The following USH2A variants were observed in gnomAD, a reference collection of about 807,000 sequenced individuals.
USH2A encodes the protein Usher syndrome 2A (autosomal recessive, mild).
In USH2A, 443 loss-of-function variants were observed where a neutral mutation model predicts 538.9. The ratio of observed to expected loss-of-function variants is 0.82; its 90% CI spans 0.76 to 0.89. USH2A has a LOEUF of 0.89. USH2A is among the 40% of genes least tolerant of loss of function. The probability of loss-of-function intolerance (pLI) is 0.00; values close to 1 mark genes in which losing one functional copy is unlikely to be tolerated. For missense variants in USH2A, 6,633 were observed against 6,324.8 expected (o/e 1.05, Z -1.65); for synonymous variants, 2,413 against 2,273.5 (o/e 1.06, Z -1.75).
chr1:215,667,321 G>A (rs1055532545), intron 64 of USH2A, among the ~76,000 whole-genome samples: 4 of 152,176 alleles, frequency 2.6e-5, no homozygotes, highest in African/African-American at 9.7e-5. Flanking sequence ...GAATTGTGGT[G>A]AGGTGAGTGA....
intron 20 of USH2A, among the ~76,000 whole-genome samples, chr1:216,189,995 C>T (rs1483159736): frequency 6.6e-6 from 1 of 151,776 alleles, no homozygotes; most frequent in Non-Finnish European, 1.5e-5. Context: ...GTCACTCTAC[C>T]ACTAATTATA....
chr1:216,269,075 T>C (rs1324129901), intron 11 of USH2A, among the ~76,000 whole-genome samples: 2 of 152,012 alleles, frequency 1.3e-5, no homozygotes, highest in Non-Finnish European at 2.9e-5. Context: ...GAATCTTCAT[T>C]TGACAGAAGA....
At chr1:216,292,491 G>T in intron 9 of USH2A, 121 bp from the exon 10 acceptor site, 1 of 1,053,586 alleles carries the variant, frequency 9.5e-7, no homozygotes, top group Non-Finnish European at 1.3e-6. Context: ...AGTCAGCAAT[G>T]ATTTTATTTG....
At chr1:215,922,794 A>C (rs978513003) in intron 38 of USH2A, among the ~76,000 whole-genome samples, 1 of 152,096 alleles carries the variant, frequency 6.6e-6, no homozygotes, top group African/African-American at 2.4e-5. Flanking sequence ...TCTAATTCAC[A>C]TCTGCCATTT....
At chr1:216,383,450 A>G (rs887168254) in intron 3 of USH2A, among the ~76,000 whole-genome samples, 1 of 152,234 alleles carries the variant, frequency 6.6e-6, no homozygotes, top group Non-Finnish European at 1.5e-5. Context: ...AATAAGTTAT[A>G]AAGTGCTATT....
intron 9 of USH2A, among the ~76,000 whole-genome samples, chr1:216,298,398 C>A (rs912774066): frequency 6.6e-6 from 1 of 152,094 alleles, no homozygotes; most frequent in Non-Finnish European, 1.5e-5. Context: ...TTATACTTAA[C>A]GTCAGCCCAA....
intron 32 of USH2A, among the ~76,000 whole-genome samples, chr1:216,016,462 CT>C (rs1466515052): frequency 2.6e-5 from 4 of 152,154 alleles, no homozygotes; most frequent in Non-Finnish European, 5.9e-5. Flanking sequence ...TCCATTTGTG[CT>C]TATGTTTTCC....
intron 21 of USH2A, among the ~76,000 whole-genome samples, chr1:216,121,013 T>G (rs530819974): frequency 1.4e-4 from 22 of 152,246 alleles, no homozygotes; most frequent in Admixed American, 1.2e-3. Flanking sequence ...AAAAATGAGT[T>G]TTATGGTAGT....
At position 216,331,474 on chromosome 1, in the gene USH2A, A is replaced by C. The variant is rs186689670; in HGVS notation, c.785-3820T>G. 1.8e-3 allele frequency among the ~76,000 whole-genome samples: 280 copies of C among 152,202 alleles called. 1 individual carries two copies. Among genetic ancestry groups the C allele is most frequent in the Middle Eastern group, 6.8e-3 (2 of 294 alleles). The stretch of plus-strand genomic sequence containing the variant: ...GGCACAACAAAATTAGTCAAATGGG[A>C]AAACTAAGTAATCCAACATATAAAT... On this transcript the variant is annotated intron_variant, in intron 4 of 71. Coordinates refer to ENST00000307340, the MANE Select transcript of USH2A (RefSeq NM_206933.4).
chr1:215,878,664 A>G (rs1664833004), intron 42 of USH2A, 100 bp downstream of exon 42: 1 of 1,198,738 alleles, frequency 8.3e-7, no homozygotes, highest in Non-Finnish European at 1.2e-6. Context: ...ATGCCAAATT[A>G]GTTCTATGTT....
intron 19 of USH2A, 69 bp downstream of exon 19, chr1:216,196,484 A>T: frequency 6.3e-7 from 1 of 1,583,274 alleles, no homozygotes; most frequent in East Asian, 2.2e-5. Flanking sequence ...AGAATTCTGC[A>T]AACTCAAAAA....
At chr1:216,325,958 C>T (rs1251452941) in intron 5 of USH2A, among the ~76,000 whole-genome samples, 1 of 152,156 alleles carries the variant, frequency 6.6e-6, no homozygotes, top group Admixed American at 6.5e-5. Flanking sequence ...AAACTAACTA[C>T]TGAGAGTGAA....
At position 216,355,651 on chromosome 1, in the gene USH2A, G is replaced by A. The variant is rs181004586; in HGVS notation, c.784+9302C>T. 2.5e-3 allele frequency among the ~76,000 whole-genome samples: 382 copies of A among 152,238 alleles called. 2 individuals are homozygous for A. Among genetic ancestry groups the A allele is most frequent in the African/African-American group, 8.6e-3 (359 of 41,552 alleles). On this transcript the variant is annotated intron_variant, in intron 4 of 71. Transcript: ENST00000307340. ...AGAAGAAATAGCATCAGGTGGAAGTGAGGATGAACAGGAAACATTGAAGAA... is the reference window on the plus strand; with the variant it reads ...AGAAGAAATAGCATCAGGTGGAAGTAAGGATGAACAGGAAACATTGAAGAA...
intron 33 of USH2A, among the ~76,000 whole-genome samples, chr1:215,999,895 G>C (rs1033910931): frequency 2.0e-5 from 3 of 152,054 alleles, no homozygotes. Flanking sequence ...ATTAACTCTT[G>C]ATAAGAGAGA....
Position 216,207,401 on chromosome 1 carries a change from T to C in USH2A, c.3188A>G (p.Gln1063Arg). 6.2e-7 allele frequency: 1 copy of C among 1,613,954 alleles called. No individual in the cohort carries two copies. The highest frequency in any genetic ancestry group is 8.5e-7 in the Non-Finnish European group (1 of 1,179,876). The change falls in exon 16 of 72, where the codon CAA becomes CGA. Residue 1063 changes from glutamine to arginine, a missense_variant. Transcript: ENST00000307340. ...TPFQQPPPRGQVQSSSAINLS... is the reference protein window; with the variant it reads ...TPFQQPPPRGRVQSSSAINLS... ...ATTGATAGCAGAAGAACTTTGAACT[T>C]GTCCTCTGGGCGGAGGTTGCTGGAA...
chr1:215,823,778 AGTTT>A (rs1320456380), intron 47 of USH2A, among the ~76,000 whole-genome samples: 2 of 151,216 alleles, frequency 1.3e-5, no homozygotes, highest in Admixed American at 6.6e-5. Context: ...GCCTGTCTCA[AGTTT>A]GTTGATGCTT....
chr1:215,912,479 A>ATATATATGTGTGTATATATATATATATG (rs1558157901), intron 38 of USH2A, among the ~76,000 whole-genome samples: 18 of 31,764 alleles, frequency 5.7e-4, no homozygotes, highest in Non-Finnish European at 9.6e-4. Flanking sequence ...ATATATACGT[A>ATATATATGTGTGTATATATATATATATG]TATATATATA....
Position 216,049,509 on chromosome 1 carries a change from C to T in USH2A, c.6050-862G>A, listed in dbSNP as rs139956324. 5.4e-4 allele frequency among the ~76,000 whole-genome samples: 82 copies of T among 152,226 alleles called. 1 individual carries two copies. In the East Asian group the frequency reaches 0.015, roughly 28 times the overall value. Reference sequence around the variant, plus strand: ...GCTCACCACTGTTTTTCCGCAAAGACGTTTTTCAGAGCAATCTTTAATCCT... The same window carrying T: ...GCTCACCACTGTTTTTCCGCAAAGATGTTTTTCAGAGCAATCTTTAATCCT... On this transcript the variant is annotated intron_variant, in intron 30 of 71. Coordinates refer to ENST00000307340, the MANE Select transcript of USH2A (RefSeq NM_206933.4).
intron 54 of USH2A, among the ~76,000 whole-genome samples, chr1:215,780,657 T>C (rs936775404): frequency 1.3e-5 from 2 of 152,260 alleles, no homozygotes; most frequent in African/African-American, 4.8e-5. Flanking sequence ...GCTTCTTTCA[T>C]AGAATTAACT....
Sources: gnomAD v4.1 joint callset for allele counts (sites outside exome capture counted in the v4.1 genomes callset) on GRCh38, gnomAD v4.1.1 for gene constraint, MANE v1.5 for transcripts, NCBI Gene and HGNC (gene_info 2026-07-23, HGNC 2026-07-21) for gene names.